The following SLC38A8 variants were observed in gnomAD, a reference collection of about 807,000 sequenced individuals.
SLC38A8 encodes amino acid transporter SLC38A8.
A neutral mutation model predicts 46.0 loss-of-function variants in SLC38A8; 65 were observed. The ratio of observed to expected loss-of-function variants is 1.41; its 90% confidence interval spans 1.16 to 1.74. SLC38A8 has a LOEUF of 1.74. Among genes scored for constraint, SLC38A8 ranks in the 40% most tolerant of loss-of-function variants. The pLI is 0.00. For synonymous variants in SLC38A8, 447 were observed against 243.7 expected, an observed-to-expected ratio of 1.83 and a Z score of -7.77; for missense variants, 998 against 567.9, an observed-to-expected ratio of 1.76 and a Z score of -7.70.
At chr16:84,038,075 C>T (rs1357497715) in intron 2 of SLC38A8, among the ~76,000 whole-genome samples, 1 of 152,092 alleles carries the variant, frequency 6.6e-6, no homozygotes, top group Non-Finnish European at 1.5e-5. Flanking sequence ...CTTCGGGAGG[C>T]CAAGGCGGGA....
chr16:84,015,514 G>A (rs144786441), intron 9 of SLC38A8, among the ~76,000 whole-genome samples: 33 of 152,124 alleles, frequency 2.2e-4, no homozygotes, highest in East Asian at 7.7e-4. Flanking sequence ...AGGCACCAGC[G>A]GTAGCATGGA....
chr16:84,019,740 C>T (rs894881655), intron 7 of SLC38A8, among the ~76,000 whole-genome samples: 2 of 152,244 alleles, frequency 1.3e-5, no homozygotes, highest in African/African-American at 4.8e-5. Context: ...CAAAAGCAAT[C>T]TACTTCCAGG....
chr16:84,016,825 G>A, intron 8 of SLC38A8, 98 bp from the exon 9 acceptor site: 1 of 1,304,528 alleles, frequency 7.7e-7, no homozygotes, highest in Non-Finnish European at 1.0e-6. Flanking sequence ...CCTCACACCT[G>A]TCAGTGCTCC....
At chr16:84,010,715 G>A (rs533519675) in intron 10 of SLC38A8, among the ~76,000 whole-genome samples, 1 of 152,310 alleles carries the variant, frequency 6.6e-6, no homozygotes, top group East Asian at 1.9e-4. Context: ...CTGCACTCCA[G>A]CCTGGAGGAC....
At chr16:84,026,472 C>T (rs1464075643) in intron 6 of SLC38A8, among the ~76,000 whole-genome samples, 1 of 152,190 alleles carries the variant, frequency 6.6e-6, no homozygotes, top group Non-Finnish European at 1.5e-5. Flanking sequence ...GGTGATCCAC[C>T]CGCCTCGGCC....
chr16:84,024,751 G>A (rs150106627), intron 6 of SLC38A8, among the ~76,000 whole-genome samples: 137 of 152,254 alleles, frequency 9.0e-4, no homozygotes, highest in East Asian at 6.1e-3. Context: ...CTGAAGTGGC[G>A]CGAACTTGGC....
intron 6 of SLC38A8, among the ~76,000 whole-genome samples, chr16:84,023,675 C>G (rs934029773): frequency 6.6e-6 from 1 of 152,060 alleles, no homozygotes; most frequent in Non-Finnish European, 1.5e-5. Context: ...GGGCAGATCA[C>G]TTGAGGTCAG....
intron 6 of SLC38A8, among the ~76,000 whole-genome samples, chr16:84,024,089 T>C (rs2085130325): frequency 6.6e-6 from 1 of 152,164 alleles, no homozygotes; most frequent in Admixed American, 6.5e-5. Flanking sequence ...ACCTACTACA[T>C]GCCAGTAACA....
At chr16:84,027,315 A>T (rs564558796) in intron 6 of SLC38A8, among the ~76,000 whole-genome samples, 1 of 150,210 alleles carries the variant, frequency 6.7e-6, no homozygotes, top group South Asian at 2.1e-4. Context: ...ACACCACTGC[A>T]CTCCAGCCTG....
chr16:84,015,117 G>T (rs1217902116), intron 9 of SLC38A8, among the ~76,000 whole-genome samples: 1 of 152,124 alleles, frequency 6.6e-6, no homozygotes, highest in African/African-American at 2.4e-5. Context: ...CATGGTTCCA[G>T]TCGCGGCTGA....
intron 9 of SLC38A8, among the ~76,000 whole-genome samples, chr16:84,016,012 A>C (rs1284014150): frequency 2.0e-5 from 3 of 152,216 alleles, no homozygotes; most frequent in Admixed American, 6.5e-5. Flanking sequence ...AAAGAGGTTT[A>C]ATGGACTCAC....
chr16:84,040,543 G>A (rs1261222514), intron 2 of SLC38A8, among the ~76,000 whole-genome samples: 2 of 152,144 alleles, frequency 1.3e-5, no homozygotes, highest in East Asian at 1.9e-4. Context: ...CCTGCTGCCC[G>A]GGGATTGGCC....
Position 84,017,305 on chromosome 16 carries a change from T to A in SLC38A8, c.806-18A>T, listed in dbSNP as rs746550707. 20 of 1,613,512 alleles carry A rather than the reference T, an allele frequency of 1.2e-5. No homozygotes were observed. In the South Asian group the frequency reaches 2.0e-4, roughly 16 times the overall value. The stretch of plus-strand genomic sequence containing the variant: ...ATAAACCCCTGAAGGTGGGAAAGGA[T>A]GGAAGCCACAGAGTGGATTAGGAAA... On this transcript the variant is annotated intron_variant, in intron 7 of 10. Coordinates refer to ENST00000299709, the MANE Select transcript of SLC38A8 (RefSeq NM_001080442.3).
intron 6 of SLC38A8, among the ~76,000 whole-genome samples, chr16:84,024,112 C>G (rs924130549): frequency 1.3e-4 from 20 of 152,162 alleles, no homozygotes; most frequent in African/African-American, 4.8e-4. Flanking sequence ...CCCCCTCCCC[C>G]AAGTTGTGAC....
rs1393554920 is a variant in SLC38A8 at position 84,033,526 on chromosome 16, C to G, written c.389-57G>C. Reference sequence around the variant, plus strand: ...GAGTACAAATGCCGTGGGTTCTCGGCTCCCACCTGGCCCTTCAACCCTGGC... The same window carrying G: ...GAGTACAAATGCCGTGGGTTCTCGGGTCCCACCTGGCCCTTCAACCCTGGC... On this transcript the variant is annotated intron_variant, in intron 3 of 10. Transcript: ENST00000299709. 6.6e-6 allele frequency: 10 copies of G among 1,517,570 alleles called. No individual in the cohort carries two copies. In the East Asian group the frequency reaches 1.9e-4, roughly 29 times the overall value. 94.0% of individuals were successfully genotyped at this position (1,517,570 alleles called of 1,614,324 possible). A position where few individuals can be genotyped will look rare whatever the true frequency, so the allele number is the denominator to read the frequency against.
At chr16:84,012,647 G>A (rs1203066660) in intron 10 of SLC38A8, among the ~76,000 whole-genome samples, 1 of 152,186 alleles carries the variant, frequency 6.6e-6, no homozygotes, top group East Asian at 1.9e-4. Flanking sequence ...CGGCCATGGG[G>A]CCTTTCTAAC....
At chr16:84,036,634 T>C (rs2085302167) in intron 3 of SLC38A8, 68 bp downstream of exon 3, 3 of 1,573,954 alleles carry the variant, frequency 1.9e-6, no homozygotes, top group Non-Finnish European at 2.6e-6. Context: ...CCTGCTCAAC[T>C]GGAAACTCCA....
chr16:84,009,994 G>C (rs991092610), intron 10 of SLC38A8, 117 bp from the exon 11 acceptor site: 23 of 648,658 alleles, frequency 3.5e-5, no homozygotes, highest in African/African-American at 5.8e-5. Context: ...TTGGAAAAAA[G>C]AAAAATTCAG....
chr16:84,025,840 C>T (rs1320160229), intron 6 of SLC38A8, among the ~76,000 whole-genome samples: 1 of 152,244 alleles, frequency 6.6e-6, no homozygotes, highest in Non-Finnish European at 1.5e-5. Context: ...GCGTTGACCT[C>T]AGGCACCGCG....
Sources: gnomAD v4.1 joint callset for allele counts (sites outside exome capture counted in the v4.1 genomes callset) on GRCh38, gnomAD v4.1.1 for gene constraint, MANE v1.5 for transcripts, NCBI Gene and HGNC (gene_info 2026-07-23, HGNC 2026-07-21) for gene names.